The following FGF12 variants were observed in gnomAD, a reference collection of about 807,000 sequenced individuals.
FGF12 encodes the protein fibroblast growth factor 12B.
FGF12 carries 14 observed loss-of-function variants against 23.6 expected under a neutral mutation model. The ratio of observed to expected loss-of-function variants is 0.59; its 90% confidence interval spans 0.39 to 0.93. FGF12 has a LOEUF of 0.93. FGF12 is among the 40% of genes least tolerant of loss of function. The probability of loss-of-function intolerance (pLI) is 0.00; values close to 1 mark genes in which losing one functional copy is unlikely to be tolerated. For missense variants in FGF12, 175 were observed against 217.8 expected, an observed-to-expected ratio of 0.80 and a Z score of 1.24; for synonymous variants, 62 against 77.3, an observed-to-expected ratio of 0.80 and a Z score of 1.04.
At chr3:192,634,335 TA>T (rs1715502933) in intron 2 of FGF12, among the ~76,000 whole-genome samples, 2 of 152,104 alleles carry the variant, frequency 1.3e-5, no homozygotes, top group Non-Finnish European at 2.9e-5. Flanking sequence ...ACAATAAGAA[TA>T]AAATTAAATT....
chr3:192,439,486 C>T (rs1576982712), intron 2 of FGF12, among the ~76,000 whole-genome samples: 1 of 152,212 alleles, frequency 6.6e-6, no homozygotes, highest in East Asian at 1.9e-4. Context: ...TTGGATCAAT[C>T]ATTCAACAAA....
intron 3 of FGF12, among the ~76,000 whole-genome samples, chr3:192,356,938 T>C (rs1718498141): frequency 6.6e-6 from 1 of 152,244 alleles, no homozygotes; most frequent in Non-Finnish European, 1.5e-5. Context: ...ATTATTTGTT[T>C]TTATTTGATA....
chr3:192,375,566 T>C (rs1719448824), intron 2 of FGF12, among the ~76,000 whole-genome samples: 1 of 152,218 alleles, frequency 6.6e-6, no homozygotes, highest in Admixed American at 6.5e-5. Context: ...TTCTGGTTTC[T>C]TTTTAAACCC....
intron 2 of FGF12, among the ~76,000 whole-genome samples, chr3:192,487,449 G>A (rs992354266): frequency 1.7e-4 from 26 of 151,960 alleles, no homozygotes; most frequent in Non-Finnish European, 2.2e-4. Context: ...GCTCATCCAA[G>A]CCTAGTGCTT....
At chr3:192,418,039 T>C (rs555252640) in intron 2 of FGF12, among the ~76,000 whole-genome samples, 2 of 152,126 alleles carry the variant, frequency 1.3e-5, no homozygotes, top group South Asian at 2.1e-4. Flanking sequence ...AACAATCTCA[T>C]AGGGATTATT....
intron 2 of FGF12, among the ~76,000 whole-genome samples, chr3:192,596,892 C>G (rs1432559494): frequency 6.6e-6 from 1 of 152,166 alleles, no homozygotes; most frequent in African/African-American, 2.4e-5. Context: ...GAATTTAAAA[C>G]TTTGCAAAGA....
intron 4 of FGF12, among the ~76,000 whole-genome samples, chr3:192,192,325 T>C (rs1181112393): frequency 4.0e-5 from 6 of 151,558 alleles, no homozygotes; most frequent in African/African-American, 7.3e-5. Context: ...CTTACAAAAA[T>C]TTATAAGTAT....
rs79357901 is a variant in FGF12, at chr3:192,578,284, T to G, written c.13+148897A>C. The stretch of plus-strand genomic sequence containing the variant: ...CTAATTTAGTCTTCCTAAACTTCCC[T>G]GTCGATAGGTACTATTATTCTCCTT... On this transcript the variant is annotated intron_variant, in intron 2 of 5. Transcript: ENST00000445105. 8.5e-3 allele frequency among the ~76,000 whole-genome samples: 1,298 copies of G among 152,318 alleles called. 19 individuals carry two copies. The highest frequency in any genetic ancestry group is 0.03 in the African/African-American group (1,229 of 41,564).
chr3:192,157,579 C>T (rs112255015), intron 5 of FGF12, among the ~76,000 whole-genome samples: 1,717 of 152,212 alleles, frequency 0.011, 35 homozygotes, highest in African/African-American at 0.039. Context: ...AATGCAGTTA[C>T]CAGAATATGC....
chr3:192,420,471 G>C (rs112001831), intron 2 of FGF12, among the ~76,000 whole-genome samples: 3 of 152,280 alleles, frequency 2.0e-5, no homozygotes, highest in African/African-American at 4.8e-5. Flanking sequence ...CCTGGTGGGA[G>C]GTGTTTGGGT....
At chr3:192,205,110 G>A (rs1006339979) in intron 4 of FGF12, among the ~76,000 whole-genome samples, 1 of 151,940 alleles carries the variant, frequency 6.6e-6, no homozygotes, top group Non-Finnish European at 1.5e-5. Flanking sequence ...GTTATCTTTT[G>A]GGAGGACAAA....
At chr3:192,380,195 A>C (rs1400499111) in intron 2 of FGF12, among the ~76,000 whole-genome samples, 2 of 152,228 alleles carry the variant, frequency 1.3e-5, no homozygotes, top group Non-Finnish European at 2.9e-5. Context: ...CAGGTGTCCA[A>C]GTTTCCCTTC....
intron 2 of FGF12, among the ~76,000 whole-genome samples, chr3:192,553,101 A>T (rs1711602815): frequency 1.3e-5 from 2 of 152,162 alleles, no homozygotes; most frequent in South Asian, 4.1e-4. Flanking sequence ...ATACGCTATA[A>T]TAATTTGTTA....
chr3:192,690,586 C>CAAAAAAAAA (rs35837229), intron 2 of FGF12, among the ~76,000 whole-genome samples: 1 of 92,118 alleles, frequency 1.1e-5, no homozygotes, highest in African/African-American at 4.0e-5. Flanking sequence ...CACAACACTA[C>CAAAAAAAAA]AAAAAAAAAA....
intron 2 of FGF12, among the ~76,000 whole-genome samples, chr3:192,685,217 A>AT (rs1434230169): frequency 6.6e-6 from 1 of 151,830 alleles, no homozygotes; most frequent in African/African-American, 2.4e-5. Flanking sequence ...CGCCCGGCTA[A>AT]TTTTTTTGTA....
intron 2 of FGF12, among the ~76,000 whole-genome samples, chr3:192,491,166 C>T (rs1206715485): frequency 1.3e-5 from 2 of 152,136 alleles, no homozygotes; most frequent in Non-Finnish European, 2.9e-5. Context: ...TCTTATTCCT[C>T]CATAGAATTT....
chr3:192,226,457 T>C (rs529801562), intron 4 of FGF12, among the ~76,000 whole-genome samples: 2 of 152,250 alleles, frequency 1.3e-5, no homozygotes, highest in East Asian at 1.9e-4. Context: ...AAAGACAACA[T>C]AAAATGCCAT....
chr3:192,343,778 G>GTT (rs1717814907), intron 3 of FGF12, among the ~76,000 whole-genome samples: 2 of 152,090 alleles, frequency 1.3e-5, no homozygotes, highest in African/African-American at 2.4e-5. Flanking sequence ...GTTTGTCTGA[G>GTT]TTTCCCTGAA....
intron 2 of FGF12, among the ~76,000 whole-genome samples, chr3:192,404,110 A>G (rs946980211): frequency 4.6e-5 from 7 of 152,292 alleles, no homozygotes; most frequent in Non-Finnish European, 1.0e-4. Flanking sequence ...TTAAATTGTA[A>G]AAAAATTCTG....
Sources: gnomAD v4.1 joint callset for allele counts (sites outside exome capture counted in the v4.1 genomes callset) on GRCh38, gnomAD v4.1.1 for gene constraint, MANE v1.5 for transcripts, NCBI Gene and HGNC (gene_info 2026-07-23, HGNC 2026-07-21) for gene names.